Variants in GRIK4 observed in about 807,000 individuals in gnomAD.
The protein encoded by GRIK4 is glutamate receptor ionotropic, kainate 4.
In GRIK4, 40 loss-of-function variants were observed where a neutral mutation model predicts 104.9. The observed-to-expected ratio is 0.38, with a 90% confidence interval of 0.30 to 0.50. The LOEUF (loss-of-function observed/expected upper bound fraction) is 0.50. GRIK4 is among the 20% of genes least tolerant of loss of function. The probability of loss-of-function intolerance (pLI) is 0.93; values close to 1 mark genes in which losing one functional copy is unlikely to be tolerated. For missense variants in GRIK4, 1,047 were observed against 1,308.1 expected (o/e 0.80, Z 3.08); for synonymous variants, 485 against 524.9 (o/e 0.92, Z 1.04).
At chr11:120,736,398 T>C (rs1951221081) in intron 3 of GRIK4, among the ~76,000 whole-genome samples, 1 of 151,994 alleles carries the variant, frequency 6.6e-6, no homozygotes, top group South Asian at 2.1e-4. Flanking sequence ...CTGAGTGGGG[T>C]TGGGGGACCA....
At chr11:120,794,627 G>T (rs578208018) in intron 3 of GRIK4, among the ~76,000 whole-genome samples, 1 of 152,152 alleles carries the variant, frequency 6.6e-6, no homozygotes, top group Admixed American at 6.5e-5. Context: ...GGTGCCATCC[G>T]CACACCAAGG....
intron 13 of GRIK4, among the ~76,000 whole-genome samples, chr11:120,910,236 A>G (rs1461187345): frequency 6.6e-6 from 1 of 152,244 alleles, no homozygotes; most frequent in Non-Finnish European, 1.5e-5. Flanking sequence ...CGGAAAGCAT[A>G]CAGAGACCAT....
intron 4 of GRIK4, among the ~76,000 whole-genome samples, chr11:120,811,696 C>A (rs1484493708): frequency 2.0e-5 from 3 of 152,090 alleles, no homozygotes; most frequent in Non-Finnish European, 4.4e-5. Context: ...AATTTTATAT[C>A]CTGCTTCTGT....
chr11:120,623,483 C>G (rs184559063), intron 1 of GRIK4, among the ~76,000 whole-genome samples: 16 of 152,292 alleles, frequency 1.1e-4, no homozygotes, highest in Middle Eastern at 3.4e-3. Flanking sequence ...AGCCCATGCT[C>G]TCTGACACAA....
chr11:120,757,553 C>T (rs1951674470), intron 3 of GRIK4, among the ~76,000 whole-genome samples: 1 of 152,232 alleles, frequency 6.6e-6, no homozygotes, highest in Non-Finnish European at 1.5e-5. Flanking sequence ...CTGTCCACCT[C>T]CACAGCTGTG....
At chr11:120,713,446 C>T (rs1033855414) in intron 3 of GRIK4, among the ~76,000 whole-genome samples, 2 of 152,146 alleles carry the variant, frequency 1.3e-5, no homozygotes, top group Non-Finnish European at 2.9e-5. Context: ...AGAGGGGGGC[C>T]ACCCTTGCGT....
At chr11:120,646,329 A>T (rs1949542062) in intron 1 of GRIK4, among the ~76,000 whole-genome samples, 1 of 152,188 alleles carries the variant, frequency 6.6e-6, no homozygotes, top group Admixed American at 6.5e-5. Flanking sequence ...AGGTTTTGAG[A>T]GGTTAATCAC....
intron 4 of GRIK4, among the ~76,000 whole-genome samples, chr11:120,814,509 G>A (rs1285625036): frequency 6.6e-6 from 1 of 152,180 alleles, no homozygotes; most frequent in African/African-American, 2.4e-5. Context: ...CAGGAGAATT[G>A]CTTGAACCTG....
chr11:120,928,524 C>T (rs535867778), intron 13 of GRIK4, among the ~76,000 whole-genome samples: 18 of 152,198 alleles, frequency 1.2e-4, no homozygotes, highest in African/African-American at 3.9e-4. Flanking sequence ...ATTGAGGATT[C>T]GTGGGCCAGT....
At chr11:120,669,120 C>G (rs553732848) in intron 3 of GRIK4, among the ~76,000 whole-genome samples, 12 of 152,346 alleles carry the variant, frequency 7.9e-5, no homozygotes, top group African/African-American at 2.9e-4. Context: ...GAATCCCCAC[C>G]TTGTCTAGGG....
intron 1 of GRIK4, among the ~76,000 whole-genome samples, chr11:120,574,462 A>C (rs527543477): frequency 1.3e-5 from 2 of 152,262 alleles, no homozygotes; most frequent in East Asian, 3.9e-4. Flanking sequence ...CCCTTTTTGC[A>C]CATGAGGACA....
chr11:120,905,511 GATCTGGGCCTGA>G lies in GRIK4; in HGVS notation c.1476+19_1476+30del. ...TCGCTAGGGTAAGGAGAGGACAAGT[GATCTGGGCCTGA>G]GGGTGGGCTGGGAGGGATTGGAAGA... On this transcript the variant is annotated intron_variant, in intron 13 of 20. Transcript: ENST00000527524. The surrounding 1 kb of genome is among the most constrained non-coding windows in gnomAD (Gnocchi z 5.1). The G allele has an allele frequency of 1.7e-6, 1 of 604,008 alleles. No homozygotes were observed. The highest frequency in any genetic ancestry group is 3.0e-6 in the Non-Finnish European group (1 of 335,764). The allele number at this position is 604,008 out of a possible 1,614,324, so 37.4% of individuals were successfully genotyped here.
intron 1 of GRIK4, among the ~76,000 whole-genome samples, chr11:120,558,880 T>C (rs188212590): frequency 6.6e-6 from 1 of 152,214 alleles, no homozygotes; most frequent in Non-Finnish European, 1.5e-5. Context: ...CTCTTTTTTT[T>C]GCTCTGGCTC....
intron 1 of GRIK4, among the ~76,000 whole-genome samples, chr11:120,561,683 A>G (rs896463569): frequency 6.6e-6 from 1 of 152,226 alleles, no homozygotes; most frequent in Non-Finnish European, 1.5e-5. Context: ...GATGTGGGTA[A>G]GGCCTCTTTA....
At position 120,896,098 on chromosome 11, in the gene GRIK4, T is replaced by TGCTGTCCTGAGC. The variant is rs755344828; in HGVS notation, c.1165-2434_1165-2433insGCTGTCCTGAGC. On this transcript the variant is annotated intron_variant, in intron 11 of 20. Transcript: ENST00000527524. ...CAGGCCCAGAGCAAGGGCACAAGCA[T>TGCTGTCCTGAGC]AAGTATAAGACCAGCACCTGCTGTC... is the stretch of plus-strand genomic sequence containing the variant. 8.0e-3 allele frequency among the ~76,000 whole-genome samples: 1,221 copies of TGCTGTCCTGAGC among 152,310 alleles called. 9 individuals carry two copies. The highest frequency in any genetic ancestry group is 0.027 in the Middle Eastern group (8 of 294).
At chr11:120,742,341 G>A (rs1377872905) in intron 3 of GRIK4, among the ~76,000 whole-genome samples, 5 of 114,936 alleles carry the variant, frequency 4.4e-5, no homozygotes, top group South Asian at 2.8e-4. Context: ...GCAAGACTCC[G>A]TTTCAAAAAA....
chr11:120,553,040 A>G (rs1374699930), intron 1 of GRIK4, among the ~76,000 whole-genome samples: 1 of 152,074 alleles, frequency 6.6e-6, no homozygotes, highest in Non-Finnish European at 1.5e-5. Flanking sequence ...AGGAAGGGAC[A>G]AAGGATTGGG....
intron 1 of GRIK4, among the ~76,000 whole-genome samples, chr11:120,533,379 C>T (rs1415585695): frequency 6.6e-6 from 1 of 152,218 alleles, no homozygotes; most frequent in African/African-American, 2.4e-5. Context: ...GTCCTTATAA[C>T]AACCCTGCAT....
chr11:120,590,312 C>T (rs1948719266), intron 1 of GRIK4, among the ~76,000 whole-genome samples: 1 of 152,220 alleles, frequency 6.6e-6, no homozygotes, highest in African/African-American at 2.4e-5. Context: ...GCACTGAATT[C>T]ATTCTGCCTG....
Sources: allele counts gnomAD v4.1 joint callset (sites outside exome capture counted in the v4.1 genomes callset), GRCh38; gene constraint gnomAD v4.1.1; non-coding constraint Gnocchi (gnomAD v3.1); transcripts MANE v1.5; gene names NCBI Gene and HGNC (gene_info 2026-07-23, HGNC 2026-07-21).